Variants in HSD11B1 observed in about 807,000 individuals in gnomAD.
HSD11B1 encodes hydroxysteroid 11-beta dehydrogenase 1.
A neutral mutation model predicts 22.1 loss-of-function variants in HSD11B1; 15 were observed. The ratio of observed to expected loss-of-function variants is 0.68; its 90% CI spans 0.45 to 1.04. The LOEUF (loss-of-function observed/expected upper bound fraction) is 1.04. Ranked by LOEUF, HSD11B1 falls within the 50% of genes least tolerant of loss-of-function variation. HSD11B1 has a pLI of 0.00. For missense variants in HSD11B1, 281 were observed against 357.6 expected (o/e 0.79, Z 1.73); for synonymous variants, 122 against 125.2 (o/e 0.97, Z 0.17).
At chr1:209,712,521 C>G (rs186525003) in intron 4 of HSD11B1, among the ~76,000 whole-genome samples, 48 of 152,164 alleles carry the variant, frequency 3.2e-4, no homozygotes, top group Middle Eastern at 3.4e-3. Flanking sequence ...AGGTAATATG[C>G]AAATACTACA....
upstream of HSD11B1, chr1:209,686,252 A>AT (rs2076727851): frequency 1.3e-5 from 2 of 152,374 alleles, no homozygotes; most frequent in East Asian, 3.9e-4. Flanking sequence ...AAGAACATCA[A>AT]TAAAAAGAAG....
chr1:209,729,380 A>G (rs1253864323), intron 4 of HSD11B1, among the ~76,000 whole-genome samples: 1 of 151,958 alleles, frequency 6.6e-6, no homozygotes, highest in East Asian at 1.9e-4. Flanking sequence ...ACACACACAC[A>G]CACACACACA....
At chr1:209,690,514 T>C (rs762636821) in intron 1 of HSD11B1, among the ~76,000 whole-genome samples, 9 of 151,936 alleles carry the variant, frequency 5.9e-5, no homozygotes, top group East Asian at 5.8e-4. Flanking sequence ...CTGGCCAACA[T>C]AGTGAAACCC....
chr1:209,722,128 A>G (rs910925533), intron 4 of HSD11B1, among the ~76,000 whole-genome samples: 2 of 152,154 alleles, frequency 1.3e-5, no homozygotes, highest in East Asian at 1.9e-4. Context: ...CTTCAAATCT[A>G]TTCTTTTATT....
Position 209,706,942 on chromosome 1 carries a change from G to C in HSD11B1, c.332-1G>C. On this transcript the variant is annotated splice_acceptor_variant, in intron 3 of 5. Transcript: ENST00000367027. LOFTEE classifies it high-confidence loss of function. This position sits in a 1 kb window ranked among gnomAD's most constrained non-coding sequence, Gnocchi z 4.0. ...TTTCTTAATATAGCCATCTCTTGCA[G>C]GAGGACTAGACATGCTCATTCTCAA... is the stretch of plus-strand genomic sequence containing the variant. 6.2e-7 allele frequency: 1 copy of C among 1,613,814 alleles called. No individual in the cohort carries two copies. Among genetic ancestry groups the C allele is most frequent in the African/African-American group, 1.3e-5 (1 of 75,032 alleles).
In HSD11B1 at chr1:209,704,856, G is replaced by A. The variant is rs1436784200; in HGVS notation, c.-87G>A. 3 of 994,292 alleles carry A rather than the reference G, an allele frequency of 3.0e-6. No individual in the cohort carries two copies. In the Admixed American group the frequency reaches 5.2e-5, roughly 17 times the overall value. 61.6% of individuals were successfully genotyped at this position (994,292 alleles called of 1,614,324 possible). On this transcript the variant is annotated 5_prime_UTR_variant, in exon 1 of 6. Transcript: ENST00000367027. ...CCCGTCCCTGATGTCACAATTCAGA[G>A]GCTGCTGCCTGCTTAGGAGGTTGTA... is the stretch of plus-strand genomic sequence containing the variant.
In HSD11B1 at chr1:209,704,965, T is replaced by C. The variant is rs2076847581; in HGVS notation, c.23T>C (p.Leu8Pro). The C allele has an allele frequency of 3.1e-6, 5 of 1,613,806 alleles. No homozygotes were observed. The highest frequency in any genetic ancestry group is 4.2e-6 in the Non-Finnish European group (5 of 1,179,784). MAFMKKY[L>P]LPILGLFMAY... ...CGGATGGCTTTTATGAAAAAATATC[T>C]CCTCCCCATTCTGGGGCTCTTCATG... The change falls in exon 1 of 6, where the codon CTC becomes CCC. Residue 8 changes from leucine (L) to proline (P), a missense_variant. Transcript: ENST00000367027.
At chr1:209,704,285 G>T (rs1487514606), upstream of HSD11B1, among the ~76,000 whole-genome samples, 1 of 152,168 alleles carries the variant, frequency 6.6e-6, no homozygotes, top group African/African-American at 2.4e-5. Context: ...CTGGGTTCTG[G>T]CTGGCTTGCA....
At chr1:209,718,651 A>G (rs989405810) in intron 4 of HSD11B1, among the ~76,000 whole-genome samples, 3 of 152,178 alleles carry the variant, frequency 2.0e-5, no homozygotes, top group Non-Finnish European at 4.4e-5. Flanking sequence ...TACAGTCACT[A>G]TGAAAAACAG....
intron 1 of HSD11B1, among the ~76,000 whole-genome samples, chr1:209,695,638 T>C (rs1403758077): frequency 6.6e-6 from 1 of 151,944 alleles, no homozygotes; most frequent in African/African-American, 2.4e-5. Context: ...TGAAACCCTG[T>C]CTCTAATAAA....
intron 4 of HSD11B1, among the ~76,000 whole-genome samples, chr1:209,727,079 C>T (rs1309600350): frequency 6.6e-6 from 1 of 152,068 alleles, no homozygotes; most frequent in East Asian, 1.9e-4. Flanking sequence ...AAATCATTCC[C>T]GATTATCTGA....
chr1:209,686,856 C>A (rs950159896), intron 1 of HSD11B1, among the ~76,000 whole-genome samples: 3 of 152,110 alleles, frequency 2.0e-5, no homozygotes, highest in African/African-American at 7.2e-5. Flanking sequence ...GTTCAGTGGA[C>A]CAAGGGAGGC....
upstream of HSD11B1, chr1:209,704,822 C>T: frequency 1.3e-6 from 1 of 760,798 alleles, no homozygotes; most frequent in Non-Finnish European, 2.3e-6. Context: ...TGAGACTACT[C>T]CAGCCTCCCC....
chr1:209,689,754 C>T (rs1383602240), intron 1 of HSD11B1, among the ~76,000 whole-genome samples: 1 of 151,760 alleles, frequency 6.6e-6, no homozygotes, highest in Admixed American at 6.6e-5. Context: ...ATGTCGGCAC[C>T]GTGCTTCTTC....
At chr1:209,732,666 G>A in intron 5 of HSD11B1, 87 bp downstream of exon 5, 6 of 1,089,354 alleles carry the variant, frequency 5.5e-6, no homozygotes, top group Non-Finnish European at 8.5e-6. Flanking sequence ...TGTTACATAT[G>A]TATGCATGTG....
intron 4 of HSD11B1, among the ~76,000 whole-genome samples, chr1:209,717,871 C>CAAAAAA (rs1015577238): frequency 1.0e-4 from 4 of 39,578 alleles, no homozygotes; most frequent in East Asian, 7.6e-4. Context: ...GACTCCATCT[C>CAAAAAA]AAAAAAAAAA....
At position 209,732,556 on chromosome 1, in the gene HSD11B1, G is replaced by A; in HGVS notation, c.638G>A (p.Cys213Tyr). 2 of 1,613,800 alleles carry A rather than the reference G, an allele frequency of 1.2e-6. No homozygotes were observed. Among genetic ancestry groups the A allele is most frequent in the Non-Finnish European group, 1.7e-6 (2 of 1,179,874 alleles). ...VSRVNVSITLCVLGLIDTETA... is the reference protein window; with the variant it reads ...VSRVNVSITLYVLGLIDTETA... ...AGGGTCAATGTATCAATCACTCTCT[G>A]TGTTCTTGGCCTCATAGACACAGGT... is the stretch of plus-strand genomic sequence containing the variant. The change falls in exon 5 of 6, where the codon TGT (cysteine) becomes TAT (tyrosine). Residue 213 changes from cysteine to tyrosine, a missense_variant. Transcript: ENST00000367027.
In HSD11B1 at chr1:209,706,968, C is replaced by T. The variant is rs1305158008; in HGVS notation, c.357C>T (p.Asn119=). The change falls in exon 4 of 6, where the codon AAC becomes AAT. Residue 119 remains asparagine (N), a synonymous_variant. Transcript: ENST00000367027. This position sits in a 1 kb window ranked among gnomAD's most constrained non-coding sequence, Gnocchi z 4.0. Reference sequence around the variant, plus strand: ...GAGGACTAGACATGCTCATTCTCAACCACATCACCAACACTTCTTTGAATC... The same window carrying T: ...GAGGACTAGACATGCTCATTCTCAATCACATCACCAACACTTCTTTGAATC... The part of the protein sequence containing the change: ...LMGGLDMLIL[N]HITNTSLNLF... 5 of 1,614,120 alleles carry T rather than the reference C, an allele frequency of 3.1e-6. No individual in the cohort carries two copies. The highest frequency in any genetic ancestry group is 2.2e-5 in the South Asian group (2 of 91,082).
intron 4 of HSD11B1, among the ~76,000 whole-genome samples, chr1:209,715,210 G>C (rs978726661): frequency 6.6e-6 from 1 of 152,138 alleles, no homozygotes; most frequent in African/African-American, 2.4e-5. Context: ...TGAAAAGGAA[G>C]AAAATGAGAA....
Sources: gnomAD v4.1 joint callset for allele counts (sites outside exome capture counted in the v4.1 genomes callset) on GRCh38, gnomAD v4.1.1 for gene constraint, Gnocchi (gnomAD v3.1) non-coding constraint, MANE v1.5 for transcripts, NCBI Gene and HGNC (gene_info 2026-07-23, HGNC 2026-07-21) for gene names.